The following INTS4 variants were observed in gnomAD, a reference collection of about 807,000 sequenced individuals.
INTS4 encodes integrator complex subunit 4.
A neutral mutation model predicts 119.5 loss-of-function variants in INTS4; 70 were observed. That is an observed-to-expected ratio of 0.59 (90% CI 0.48 to 0.71). INTS4 has a LOEUF of 0.71. Ranked by LOEUF, INTS4 falls within the 30% of genes least tolerant of loss-of-function variation. INTS4 has a pLI of 0.00. For synonymous variants in INTS4, 316 were observed against 419.6 expected, an observed-to-expected ratio of 0.75 and a Z score of 3.02; for missense variants, 867 against 1,173.2, an observed-to-expected ratio of 0.74 and a Z score of 3.81.
At chr11:77,902,235 G>A (rs2136442147) in intron 17 of INTS4, among the ~76,000 whole-genome samples, 1 of 152,082 alleles carries the variant, frequency 6.6e-6, no homozygotes, top group African/African-American at 2.4e-5. Flanking sequence ...CTGTAAACAG[G>A]GAAGAAACAG....
At chr11:77,960,000 C>A (rs1565273672) in intron 6 of INTS4, among the ~76,000 whole-genome samples, 1 of 152,050 alleles carries the variant, frequency 6.6e-6, no homozygotes, top group African/African-American at 2.4e-5. Flanking sequence ...GTGTGGTGCC[C>A]AGAAATGAGT....
chr11:77,929,425 T>C (rs922708992), intron 10 of INTS4, among the ~76,000 whole-genome samples: 9 of 152,222 alleles, frequency 5.9e-5, no homozygotes, highest in African/African-American at 2.2e-4. Flanking sequence ...TGAAGTCACA[T>C]GTCTGTCTAC....
chr11:77,949,913 C>T lies in INTS4; in HGVS notation c.918+6029G>A, dbSNP rs368459908. Among the ~76,000 whole-genome samples the T allele has an allele frequency of 2.6e-5, 4 of 152,122 alleles. No homozygotes were observed. The East Asian group carries it at 5.8e-4, about 22-fold the overall frequency. On this transcript the variant is annotated intron_variant, in intron 8 of 22. Coordinates refer to ENST00000534064, the MANE Select transcript of INTS4 (RefSeq NM_033547.4). ...AATCATTCTACTATAAAAACACATG[C>T]ACACGTATGTTTATTGCAGCACTGT...
Position 77,918,800 on chromosome 11 carries a change from A to C in INTS4, c.1922+21T>G, listed in dbSNP as rs780411981. The stretch of plus-strand genomic sequence containing the variant: ...AGTGTAACAGCACTAACTCTGTCAG[A>C]TGAAGGGATGATTACCCTACCTGAT... On this transcript the variant is annotated intron_variant, in intron 15 of 22. Transcript: ENST00000534064. 31 of 1,611,308 alleles carry C rather than the reference A, an allele frequency of 1.9e-5. 1 individual carries two copies. In the East Asian group the frequency reaches 6.5e-4, roughly 34 times the overall value.
chr11:77,989,455 A>G (rs1269718347), intron 2 of INTS4, among the ~76,000 whole-genome samples: 2 of 151,966 alleles, frequency 1.3e-5, no homozygotes, highest in Non-Finnish European at 2.9e-5. Flanking sequence ...AGTGAGACTC[A>G]TCTCAAAAAA....
chr11:77,911,050 C>A (rs1315026843), intron 15 of INTS4: 5 of 1,288,932 alleles, frequency 3.9e-6, no homozygotes, highest in East Asian at 5.6e-5. Context: ...CTGGAAAAAA[C>A]CGTCCACTGG....
chr11:77,979,403 A>C (rs1856101985), intron 3 of INTS4, among the ~76,000 whole-genome samples: 1 of 152,084 alleles, frequency 6.6e-6, no homozygotes, highest in African/African-American at 2.4e-5. Context: ...TGAGCCTCAG[A>C]GATCAAGGCA....
intron 15 of INTS4, among the ~76,000 whole-genome samples, chr11:77,908,876 G>C (rs980674116): frequency 1.3e-5 from 2 of 152,150 alleles, no homozygotes; most frequent in Admixed American, 1.3e-4. Context: ...ACTGTTGGTT[G>C]CCTGTCCAGT....
intron 4 of INTS4, among the ~76,000 whole-genome samples, chr11:77,974,385 G>T (rs1284996428): frequency 6.6e-6 from 1 of 151,394 alleles, no homozygotes; most frequent in Non-Finnish European, 1.5e-5. Flanking sequence ...TGGGATTACA[G>T]GCACGCACCA....
intron 15 of INTS4, among the ~76,000 whole-genome samples, chr11:77,911,454 T>C (rs1953087067): frequency 6.6e-6 from 1 of 152,212 alleles, no homozygotes; most frequent in South Asian, 2.1e-4. Flanking sequence ...CTGCCTTCTA[T>C]GACAATTATA....
rs184360555 is a variant in INTS4 at position 77,917,629 on chromosome 11, T to G, written c.1922+1192A>C. ...CTGGCCGATATAATATTTTTCTCTTTTAAGAGCAAACAATAAAGAATTTAA... is the reference window on the plus strand; with the variant it reads ...CTGGCCGATATAATATTTTTCTCTTGTAAGAGCAAACAATAAAGAATTTAA... On this transcript the variant is annotated intron_variant, in intron 15 of 22. Coordinates refer to ENST00000534064, the MANE Select transcript of INTS4 (RefSeq NM_033547.4). Among the ~76,000 whole-genome samples, 267 of 151,842 alleles carry G rather than the reference T, an allele frequency of 1.8e-3. 3 individuals carry two copies. The East Asian group carries it at 0.03, about 17-fold the overall frequency.
intron 8 of INTS4, among the ~76,000 whole-genome samples, chr11:77,953,402 C>G (rs932403116): frequency 6.6e-6 from 1 of 152,106 alleles, no homozygotes; most frequent in Non-Finnish European, 1.5e-5. Flanking sequence ...TTTTCATAGA[C>G]TGTATCTCAT....
chr11:77,955,903 T>G, intron 8 of INTS4, 39 bp downstream of exon 8: 3 of 1,546,580 alleles, frequency 1.9e-6, no homozygotes, highest in Non-Finnish European at 2.6e-6. Flanking sequence ...AAAATAAATA[T>G]ATACATGCAT....
chr11:77,934,152 C>T (rs1317217854), intron 10 of INTS4, among the ~76,000 whole-genome samples: 2 of 151,756 alleles, frequency 1.3e-5, no homozygotes, highest in African/African-American at 4.8e-5. Context: ...GGATTAAGGG[C>T]GGTGCAAGAT....
At chr11:77,965,580 G>C (rs145527054) in intron 4 of INTS4, among the ~76,000 whole-genome samples, 105 of 152,240 alleles carry the variant, frequency 6.9e-4, no homozygotes, top group African/African-American at 2.4e-3. Context: ...AGATCATGTG[G>C]CATGTGTTTT....
chr11:77,988,283 T>C (rs1185486852), intron 2 of INTS4, among the ~76,000 whole-genome samples: 2 of 152,234 alleles, frequency 1.3e-5, no homozygotes, highest in Non-Finnish European at 2.9e-5. Context: ...ATTGTGCTAA[T>C]GGACACCGTC....
intron 15 of INTS4, among the ~76,000 whole-genome samples, chr11:77,908,660 A>ATGGT (rs1373771020): frequency 6.6e-6 from 1 of 152,140 alleles, no homozygotes; most frequent in Admixed American, 6.5e-5. Flanking sequence ...AAAATATGGA[A>ATGGT]TGGTTAATAA....
At chr11:77,994,473 A>G in intron 1 of INTS4, 117 bp downstream of exon 1, 2 of 793,392 alleles carry the variant, frequency 2.5e-6, no homozygotes, top group South Asian at 3.0e-5. Flanking sequence ...AGAGATTATC[A>G]ACAAGTCAGC....
intron 21 of INTS4, among the ~76,000 whole-genome samples, chr11:77,887,781 GACAA>G (rs1952081726): frequency 6.6e-6 from 1 of 152,220 alleles, no homozygotes; most frequent in African/African-American, 2.4e-5. Flanking sequence ...GCCAATAACA[GACAA>G]ACAGAGAGCC....
Sources: allele counts gnomAD v4.1 joint callset (sites outside exome capture counted in the v4.1 genomes callset), GRCh38; gene constraint gnomAD v4.1.1; transcripts MANE v1.5; gene names NCBI Gene and HGNC (gene_info 2026-07-23, HGNC 2026-07-21).